HORMAD2: variants seen among roughly 807,000 people sequenced by gnomAD.
HORMAD2 encodes the protein HORMA domain containing 2.
In HORMAD2, 45 loss-of-function variants were observed where a neutral mutation model predicts 38.8. The observed-to-expected ratio is 1.16, with a 90% CI of 0.91 to 1.49. The LOEUF is 1.49. Ranked by LOEUF, HORMAD2 falls within the 40% of genes most tolerant of loss-of-function variation. HORMAD2 has a pLI of 0.00. For missense variants in HORMAD2, 338 were observed against 367.0 expected (o/e 0.92, Z 0.65); for synonymous variants, 126 against 122.8 (o/e 1.03, Z -0.17).
intron 7 of HORMAD2, among the ~76,000 whole-genome samples, chr22:30,117,369 A>G (rs1922117477): frequency 6.6e-6 from 1 of 152,158 alleles, no homozygotes; most frequent in South Asian, 2.1e-4. Flanking sequence ...AGCTCTGTGG[A>G]CATACTGTAT....
chr22:30,170,274 GGC>G (rs1275696867), intron 10 of HORMAD2, among the ~76,000 whole-genome samples: 1 of 152,108 alleles, frequency 6.6e-6, no homozygotes, highest in East Asian at 1.9e-4. Context: ...ACTCACCCCA[GGC>G]ACACAACTCA....
intron 10 of HORMAD2, among the ~76,000 whole-genome samples, chr22:30,135,627 A>C (rs1189185389): frequency 6.6e-6 from 1 of 152,190 alleles, no homozygotes; most frequent in Non-Finnish European, 1.5e-5. Flanking sequence ...AACAATTCCC[A>C]GAGCTCTCAC....
At chr22:30,120,624 T>C (rs1922361634) in intron 8 of HORMAD2, among the ~76,000 whole-genome samples, 1 of 150,868 alleles carries the variant, frequency 6.6e-6, no homozygotes, top group Non-Finnish European at 1.5e-5. Context: ...TCCAAATTGT[T>C]CATTCATTCA....
chr22:30,121,965 G>A lies in HORMAD2; in HGVS notation c.570G>A (p.Val190=), dbSNP rs757736771. 1 of 1,609,470 alleles carries A rather than the reference G, an allele frequency of 6.2e-7. No individual in the cohort carries two copies. Among genetic ancestry groups the A allele is most frequent in the South Asian group, 1.1e-5 (1 of 90,436 alleles). ...LTMKLHYYNA[V]TPHDYQPLGF... ...CTTTTTGCCCTTTTCATTTCGCAGT[G>A]ACCCCACATGATTACCAACCCCTCG... Residue 190 remains valine, a splice_region_variant and synonymous_variant, in exon 10 of 11, where the codon GTG becomes GTA. Transcript: ENST00000336726.
intron 10 of HORMAD2, chr22:30,136,863 C>T: frequency 2.7e-6 from 1 of 376,262 alleles, no homozygotes; most frequent in Non-Finnish European, 4.9e-6. Flanking sequence ...AACAGATAGG[C>T]AAGCCTTTTC....
chr22:30,148,197 A>G (rs1274464105), intron 10 of HORMAD2, among the ~76,000 whole-genome samples: 1 of 152,234 alleles, frequency 6.6e-6, no homozygotes, highest in Non-Finnish European at 1.5e-5. Context: ...AAAACTGTTA[A>G]TGAATATTTA....
the HORMAD2 span, among the ~76,000 whole-genome samples, chr22:30,205,948 G>C: frequency 6.6e-6 from 1 of 152,156 alleles, no homozygotes; most frequent in South Asian, 2.1e-4. Flanking sequence ...GTGGGACGAA[G>C]CAAGGGATGA....
At chr22:30,139,297 C>T (rs1030775884) in intron 10 of HORMAD2, among the ~76,000 whole-genome samples, 1 of 128,370 alleles carries the variant, frequency 7.8e-6, no homozygotes. Flanking sequence ...TCCTCTGTCT[C>T]TCTCTCTCTA....
chr22:30,126,669 A>G (rs955077917), intron 10 of HORMAD2, among the ~76,000 whole-genome samples: 10 of 152,208 alleles, frequency 6.6e-5, no homozygotes, highest in African/African-American at 2.4e-4. Flanking sequence ...TTTTAGGGAA[A>G]TAACTACACA....
At position 30,097,907 on chromosome 22, in the gene HORMAD2, C is replaced by T. The variant is rs1322751151; in HGVS notation, c.52-945C>T. Reference sequence around the variant, plus strand: ...AGTATGTCCTCGGTCAAGCCAGTGGCAGTGAGCAGGGAAAGGAGAAAATAG... The same window carrying T: ...AGTATGTCCTCGGTCAAGCCAGTGGTAGTGAGCAGGGAAAGGAGAAAATAG... On this transcript the variant is annotated intron_variant, in intron 2 of 10. Transcript: ENST00000336726. 2.0e-5 allele frequency among the ~76,000 whole-genome samples: 3 copies of T among 152,250 alleles called. No homozygotes were observed. The East Asian group carries it at 5.8e-4, about 29-fold the overall frequency.
rs143073485 is a variant in HORMAD2 at position 30,110,882 on chromosome 22, G to A, written c.295-914G>A. Reference sequence around the variant, plus strand: ...GGATTGAAAATACAGGACGGGGCCAGGGCAGTGGTTCACGCCTGTAATCCC... The same window carrying A: ...GGATTGAAAATACAGGACGGGGCCAAGGCAGTGGTTCACGCCTGTAATCCC... On this transcript the variant is annotated intron_variant, in intron 5 of 10. Transcript: ENST00000336726. 1.4e-4 allele frequency among the ~76,000 whole-genome samples: 22 copies of A among 152,076 alleles called. No individual in the cohort carries two copies. In the East Asian group the frequency reaches 2.7e-3, roughly 19 times the overall value.
intron 10 of HORMAD2, among the ~76,000 whole-genome samples, chr22:30,133,516 C>A (rs895642818): frequency 6.7e-6 from 1 of 149,954 alleles, no homozygotes; most frequent in Non-Finnish European, 1.5e-5. Flanking sequence ...TTCTGGGATA[C>A]ATGTGCAGAA....
At chr22:30,134,195 C>G (rs1251038479) in intron 10 of HORMAD2, among the ~76,000 whole-genome samples, 1 of 151,768 alleles carries the variant, frequency 6.6e-6, no homozygotes, top group Non-Finnish European at 1.5e-5. Context: ...GTCAGGAGTT[C>G]GAGACAAGCC....
chr22:30,195,313 A>T, the HORMAD2 span, among the ~76,000 whole-genome samples: 1 of 152,176 alleles, frequency 6.6e-6, no homozygotes, highest in African/African-American at 2.4e-5. Flanking sequence ...ATCTTCCAAG[A>T]TGAATGATCC....
chr22:30,093,583 AAACTT>A (rs1292091216), intron 1 of HORMAD2, among the ~76,000 whole-genome samples: 4 of 152,296 alleles, frequency 2.6e-5, no homozygotes, highest in African/African-American at 9.6e-5. Context: ...AATGTTTATT[AAACTT>A]ATTTCCCAAT....
chr22:30,161,736 T>C (rs947010274), intron 10 of HORMAD2, among the ~76,000 whole-genome samples: 1 of 152,136 alleles, frequency 6.6e-6, no homozygotes, highest in African/African-American at 2.4e-5. Flanking sequence ...TGTTCTTTTT[T>C]ACCTTTGCAA....
At chr22:30,204,027 AC>A in the HORMAD2 span, among the ~76,000 whole-genome samples, 15 of 151,568 alleles carry the variant, frequency 9.9e-5, no homozygotes, top group Non-Finnish European at 1.5e-5. Context: ...ACACCTACAT[AC>A]CCCCCATGCC....
rs1447484734 is a variant in HORMAD2 at position 30,091,254 on chromosome 22, CTCTCTTTCTTTCTTTTTTT to C, written c.-37-2660_-37-2642del. Among the ~76,000 whole-genome samples the C allele has an allele frequency of 9.3e-5, 13 of 139,560 alleles. No homozygotes were observed. The South Asian group carries it at 3.1e-3, about 33-fold the overall frequency. 91.6% of individuals were successfully genotyped at this position (139,560 alleles called of 152,430 possible). ...TCTTTCTCTCTCTCTCTCTTTCTTT[CTCTCTTTCTTTCTTTTTTT>C]TTTTTTTTTTTGACAGAGTCTTGCT... On this transcript the variant is annotated intron_variant, in intron 1 of 10. Transcript: ENST00000336726.
At chr22:30,174,060 A>G (rs765934505) in intron 10 of HORMAD2, among the ~76,000 whole-genome samples, 10 of 152,202 alleles carry the variant, frequency 6.6e-5, no homozygotes, top group Middle Eastern at 3.2e-3. Context: ...GGCTTTTTTC[A>G]GATACATATG....
Sources: allele counts gnomAD v4.1 joint callset (sites outside exome capture counted in the v4.1 genomes callset), GRCh38; gene constraint gnomAD v4.1.1; transcripts MANE v1.5; gene names NCBI Gene and HGNC (gene_info 2026-07-23, HGNC 2026-07-21).